The following MARCO variants were observed in gnomAD, a reference collection of about 807,000 sequenced individuals.
The protein encoded by MARCO is macrophage receptor with collagenous structure, also known as macrophage receptor MARCO.
In MARCO, 72 loss-of-function variants were observed where a neutral mutation model predicts 70.0. That is an observed-to-expected ratio of 1.03 (90% CI 0.85 to 1.25). The LOEUF is 1.25. Ranked by LOEUF, MARCO falls within the 50% of genes most tolerant of loss-of-function variation. The pLI is 0.00. For missense variants in MARCO, 696 were observed against 659.3 expected, an observed-to-expected ratio of 1.06 and a Z score of -0.61; for synonymous variants, 273 against 243.1, an observed-to-expected ratio of 1.12 and a Z score of -1.14.
At chr2:118,952,544 T>C (rs34045491) in intron 1 of MARCO, 28,034 of 152,164 alleles carry the variant, frequency 0.18, 3,418 homozygotes, top group African/African-American at 0.33. Flanking sequence ...TTCACGCACA[T>C]GTACATTTAG....
chr2:118,983,470 C>T (rs575387309), intron 12 of MARCO, among the ~76,000 whole-genome samples: 8 of 152,128 alleles, frequency 5.3e-5, no homozygotes, highest in Non-Finnish European at 1.2e-4. Context: ...AGTTTTACAC[C>T]CTCTCTGTCC....
chr2:118,981,635 C>G lies in MARCO; in HGVS notation c.880C>G (p.Pro294Ala). 6.2e-7 allele frequency: 1 copy of G among 1,613,048 alleles called. No homozygotes were observed. The change falls in exon 10 of 17, where the codon CCT (proline) becomes GCT (alanine). Residue 294 changes from proline (P) to alanine (A), a missense_variant. By Grantham distance (27) the Pro-to-Ala change is conservative. This residue lies in a region of MARCO where 605 missense variants were observed against 537.6 expected (regional missense o/e 1.13). Transcript: ENST00000327097. Reference protein sequence around the residue: ...RPGPPGLAGFPGAKGDQGQPG... With the variant: ...RPGPPGLAGFAGAKGDQGQPG... ...TTTCATCTTAGGTTTGGCTGGTTTTCCTGGAGCTAAAGGAGATCAAGGTAA... is the reference window on the plus strand; with the variant it reads ...TTTCATCTTAGGTTTGGCTGGTTTTGCTGGAGCTAAAGGAGATCAAGGTAA...
intron 1 of MARCO, among the ~76,000 whole-genome samples, chr2:118,961,489 T>C (rs1282622088): frequency 1.3e-5 from 2 of 152,176 alleles, no homozygotes; most frequent in Non-Finnish European, 2.9e-5. Context: ...CTTTCTTTTC[T>C]TGCGTATGTT....
rs1186451458 is a variant in MARCO at position 118,992,445 on chromosome 2, G to A, written c.1221G>A (p.Glu407=). The A allele has an allele frequency of 1.2e-6, 2 of 1,613,750 alleles. No homozygotes were observed. Among genetic ancestry groups the A allele is most frequent in the South Asian group, 2.2e-5 (2 of 91,070 alleles). ...GDQGVKGSSG[E]QGVKGEKGER... ...TCCTCATGACAGGATCTTCTGGGGA[G>A]CAAGGAGTAAAGGGAGAAAAAGGTG... Residue 407 remains glutamate, a synonymous_variant, in exon 15 of 17, where the codon GAG becomes GAA. Transcript: ENST00000327097.
chr2:118,974,619 A>C (rs1573395766), intron 6 of MARCO, 54 bp downstream of exon 6: 5 of 1,549,836 alleles, frequency 3.2e-6, no homozygotes, highest in Non-Finnish European at 3.5e-6. Context: ...TCTCAGAGTG[A>C]CTGCTGTGGG....
At chr2:118,946,551 G>C (rs1210774557) in intron 1 of MARCO, among the ~76,000 whole-genome samples, 1 of 152,198 alleles carries the variant, frequency 6.6e-6, no homozygotes, top group East Asian at 1.9e-4. Context: ...ATATATCAAA[G>C]ATTGTTTAAC....
chr2:118,994,277 A>G, intron 16 of MARCO, 110 bp from the exon 17 acceptor site: 2 of 1,188,172 alleles, frequency 1.7e-6, no homozygotes, highest in Non-Finnish European at 1.2e-6. Context: ...AGAATGAGTG[A>G]GAAGTCGGCA....
rs1680640194 is a variant in MARCO at position 118,992,413 on chromosome 2, G to T, written c.1208-19G>T. ...GCCTGGGTTTCTTTCAAACCGTGTGGGTTTTCTCCTCATGACAGGATCTTC... is the reference window on the plus strand; with the variant it reads ...GCCTGGGTTTCTTTCAAACCGTGTGTGTTTTCTCCTCATGACAGGATCTTC... On this transcript the variant is annotated intron_variant, in intron 14 of 16. Transcript: ENST00000327097. 1.1e-5 allele frequency: 17 copies of T among 1,612,764 alleles called. No homozygotes were observed. The highest frequency in any genetic ancestry group is 1.4e-5 in the Non-Finnish European group (17 of 1,178,852).
intron 14 of MARCO, 34 bp downstream of exon 14, chr2:118,991,909 G>A: frequency 6.9e-7 from 1 of 1,444,358 alleles, no homozygotes. Context: ...TTTGTTCTTA[G>A]GACTGTGCTT....
chr2:118,944,382 A>G (rs1225343992), intron 1 of MARCO, among the ~76,000 whole-genome samples: 1 of 152,214 alleles, frequency 6.6e-6, no homozygotes, highest in Non-Finnish European at 1.5e-5. Context: ...GAGTGCCATT[A>G]TGCAGGTAAT....
At chr2:118,971,447 G>C in intron 3 of MARCO, 52 bp from the exon 4 acceptor site, 2 of 1,592,778 alleles carry the variant, frequency 1.3e-6, no homozygotes, top group East Asian at 2.2e-5. Context: ...GTTGGGGCTT[G>C]GGCCAAGGGT....
At position 118,986,672 on chromosome 2, in the gene MARCO, G is replaced by GAAA. The variant is rs1680505791; in HGVS notation, c.1064-3917_1064-3916insAAA. The stretch of plus-strand genomic sequence containing the variant: ...AAGAAAGAAGGAAGGAAGGAAGGAA[G>GAAA]GAAAGAAAGAAAGAAAGAAAGAAAG... On this transcript the variant is annotated intron_variant, in intron 12 of 16. Transcript: ENST00000327097. Among the ~76,000 whole-genome samples, 129 of 48,610 alleles carry GAAA rather than the reference G, an allele frequency of 2.7e-3. 14 individuals are homozygous for GAAA. Among genetic ancestry groups the GAAA allele is most frequent in the Admixed American group, 6.0e-3 (27 of 4,466 alleles). 31.9% of individuals were successfully genotyped at this position (48,610 alleles called of 152,430 possible).
chr2:118,981,143 G>A (rs1036152525), intron 8 of MARCO, among the ~76,000 whole-genome samples: 1 of 151,962 alleles, frequency 6.6e-6, no homozygotes, highest in Admixed American at 6.6e-5. Flanking sequence ...CTTGGCTATT[G>A]TCCCTCCCAA....
chr2:118,960,505 AATG>A (rs1391025547), intron 1 of MARCO, among the ~76,000 whole-genome samples: 3 of 152,124 alleles, frequency 2.0e-5, no homozygotes, highest in African/African-American at 7.2e-5. Context: ...TTTGAATTAT[AATG>A]ATGAGAGTTT....
chr2:118,972,652 T>G (rs990971769), intron 4 of MARCO, among the ~76,000 whole-genome samples: 6 of 152,360 alleles, frequency 3.9e-5, no homozygotes, highest in African/African-American at 1.2e-4. Flanking sequence ...GATGTTCTTG[T>G]CTTCGTTATT....
At chr2:118,947,665 T>C (rs992250132) in intron 1 of MARCO, among the ~76,000 whole-genome samples, 1 of 152,236 alleles carries the variant, frequency 6.6e-6, no homozygotes, top group Non-Finnish European at 1.5e-5. Context: ...CATCTCATTC[T>C]GCATTCTTTA....
chr2:118,958,040 C>T (rs1038291124), intron 1 of MARCO, among the ~76,000 whole-genome samples: 2 of 151,942 alleles, frequency 1.3e-5, no homozygotes, highest in African/African-American at 4.8e-5. Context: ...CCACAGACAA[C>T]ATAATACTGA....
chr2:118,970,939 C>A (rs546726397), intron 3 of MARCO, among the ~76,000 whole-genome samples: 1 of 152,184 alleles, frequency 6.6e-6, no homozygotes, highest in Non-Finnish European at 1.5e-5. Context: ...TTGCTCTGGG[C>A]CCTGTGTGAG....
At chr2:118,969,554 C>T (rs941869765) in intron 2 of MARCO, among the ~76,000 whole-genome samples, 5 of 152,218 alleles carry the variant, frequency 3.3e-5, no homozygotes, top group Non-Finnish European at 5.9e-5. Context: ...ATGACACACA[C>T]TTCTGACATC....
Sources: allele counts gnomAD v4.1 joint callset (sites outside exome capture counted in the v4.1 genomes callset), GRCh38; gene constraint gnomAD v4.1.1; regional missense constraint gnomAD v4.1.1; transcripts MANE v1.5; gene names NCBI Gene and HGNC (gene_info 2026-07-23, HGNC 2026-07-21).